Variants in LPAR4 observed in about 807,000 individuals in gnomAD.
LPAR4 encodes G-protein coupled receptor 23.
Under a neutral mutation model 9.2 loss-of-function variants are expected in LPAR4, and 14 were observed. The observed-to-expected ratio is 1.51, with a 90% CI of 1.00 to 2.37. The LOEUF (loss-of-function observed/expected upper bound fraction) is 2.37. Ranked by LOEUF, LPAR4 falls within the 30% of genes most tolerant of loss-of-function variation. The pLI, the probability that LPAR4 is intolerant of heterozygous loss-of-function variation, is 0.00. For synonymous variants in LPAR4, 131 were observed against 97.9 expected (o/e 1.34, Z -1.99); for missense variants, 251 against 272.1 (o/e 0.92, Z 0.55).
intron 4 of LPAR4, 56 bp from the exon 5 acceptor site, chrX:78,754,735 C>A: frequency 2.0e-6 from 1 of 491,173 alleles, no homozygotes; most frequent in Non-Finnish European, 3.3e-6. Context: ...TCTTATTACA[C>A]AGAAATCATG....
chrX:78,754,890 T>G lies in LPAR4; in HGVS notation c.21T>G (p.Ile7Met). 1.7e-6 allele frequency: 2 copies of G among 1,197,475 alleles called. No homozygotes were observed. MGDRRFIDFQFQDSNSS... is the reference protein window; with the variant it reads MGDRRFMDFQFQDSNSS... Reference sequence around the variant, plus strand: ...AGTCCATGGGTGACAGAAGATTCATTGACTTCCAATTCCAAGATTCAAATT... The same window carrying G: ...AGTCCATGGGTGACAGAAGATTCATGGACTTCCAATTCCAAGATTCAAATT... Residue 7 changes from isoleucine to methionine, a missense_variant, in exon 5 of 5, where the codon ATT (isoleucine) becomes ATG (methionine). Ile to Met is a conservative substitution (Grantham distance 10). Coordinates refer to ENST00000614823, the MANE Select transcript of LPAR4 (RefSeq NM_001278000.3).
rs1469233926 is a variant in LPAR4 at position 78,756,962 on chromosome X, C to G, written c.*980C>G. ...ACATTTATTAAAACCTGAATTAATC[C>G]TTTTTGGAGGGAGGAGTAGAGATAT... On this transcript the variant is annotated 3_prime_UTR_variant, in exon 5 of 5. Coordinates refer to ENST00000614823, the MANE Select transcript of LPAR4 (RefSeq NM_001278000.3). The G allele has an allele frequency of 8.3e-6, 1 of 120,361 alleles. No individual in the cohort carries two copies. Among genetic ancestry groups the G allele is most frequent in the Non-Finnish European group, 1.9e-5 (1 of 52,383 alleles). 9.9% of individuals were successfully genotyped at this position (120,361 alleles called of 1,213,427 possible).
chrX:78,754,043 A>G (rs758546406), intron 4 of LPAR4, among the ~76,000 whole-genome samples: 11 of 111,699 alleles, frequency 9.8e-5, no homozygotes, highest in Non-Finnish European at 1.9e-4. Flanking sequence ...CTGTGGGTGT[A>G]ATATATATGT....
chrX:78,755,976 C>A lies in LPAR4; in HGVS notation c.1107C>A (p.Thr369=). The change falls in exon 5 of 5, where the codon ACC becomes ACA. Residue 369 remains threonine (T), a synonymous_variant. Transcript: ENST00000614823. ...NNGGELMLES[T]F is the part of the protein sequence containing the mutation. The stretch of plus-strand genomic sequence containing the variant: ...GTGGTGAATTAATGCTAGAATCCAC[C>A]TTTTAGGTATGAGAAATGTGTTCAG... The A allele has an allele frequency of 8.3e-7, 1 of 1,197,682 alleles. No individual in the cohort carries two copies. The highest frequency in any genetic ancestry group is 1.1e-6 in the Non-Finnish European group (1 of 887,057).
intron 3 of LPAR4, 111 bp downstream of exon 3, chrX:78,750,903 T>A (rs1925036146): frequency 9.0e-6 from 1 of 111,689 alleles, no homozygotes. Flanking sequence ...TCATTATCTT[T>A]AAATTATTAT....
intron 4 of LPAR4, among the ~76,000 whole-genome samples, chrX:78,754,371 A>G (rs1925195337): frequency 9.0e-6 from 1 of 111,469 alleles, no homozygotes; most frequent in Non-Finnish European, 1.9e-5. Flanking sequence ...GCAGAAGGGA[A>G]AAGCCTTCCA....
intron 4 of LPAR4, among the ~76,000 whole-genome samples, chrX:78,754,143 G>T (rs189641993): frequency 9.0e-6 from 1 of 111,126 alleles, no homozygotes; most frequent in African/African-American, 3.3e-5. Flanking sequence ...TTAAAACATC[G>T]CCTCGTACTT....
intron 4 of LPAR4, among the ~76,000 whole-genome samples, chrX:78,751,943 G>T (rs1925080159): frequency 9.0e-6 from 1 of 110,985 alleles, no homozygotes; most frequent in African/African-American, 3.3e-5. Context: ...ATTTCCCAAA[G>T]ATTGGACTGT....
intron 4 of LPAR4, among the ~76,000 whole-genome samples, chrX:78,754,360 G>T (rs749371136): frequency 2.3e-4 from 26 of 111,059 alleles, no homozygotes; most frequent in South Asian, 7.5e-4. Context: ...AGGGACTCTG[G>T]GCAGAAGGGA....
rs988434630 is a variant in LPAR4, at chrX:78,756,259, A to C, written c.*277A>C. ...GGTGGCTAGTGGCATTTGATAATAT[A>C]GAGATGACTTTGAAACTTTCAAAAA... On this transcript the variant is annotated 3_prime_UTR_variant, in exon 5 of 5. Transcript: ENST00000614823. 1.2e-4 allele frequency: 31 copies of C among 261,382 alleles called. No individual in the cohort carries two copies. The highest frequency in any genetic ancestry group is 8.3e-4 in the African/African-American group (29 of 35,111). The allele number at this position is 261,382 out of a possible 1,213,427, so 21.5% of individuals were successfully genotyped here. A position where few individuals can be genotyped will look rare whatever the true frequency, so the allele number is the denominator to read the frequency against.
chrX:78,758,380 G>C lies in LPAR4; in HGVS notation c.*2398G>C, dbSNP rs1210597879. 9.0e-6 allele frequency among the ~76,000 whole-genome samples: 1 copy of C among 111,124 alleles called. No individual in the cohort carries two copies. Among genetic ancestry groups the C allele is most frequent in the Non-Finnish European group, 1.9e-5 (1 of 52,814 alleles). ...TATGTGAACATTTGTTTGTGCCCTT[G>C]CTTCTTAACATTATAAAATTTTATG... On this transcript the variant is annotated 3_prime_UTR_variant, in exon 5 of 5. Transcript: ENST00000614823.
In LPAR4 at chrX:78,754,990, C is replaced by G; in HGVS notation, c.121C>G (p.Leu41Val). The change falls in exon 5 of 5, where the codon CTC becomes GTC. Residue 41 changes from leucine (L) to valine (V), a missense_variant. Coordinates refer to ENST00000614823, the MANE Select transcript of LPAR4 (RefSeq NM_001278000.3). ...CIVDDSFKYN[L>V]NGAVYSVVFI... is the part of the protein sequence containing the mutation. ...TGTTGATGATTCCTTCAAGTATAAT[C>G]TCAATGGTGCTGTCTACAGTGTTGT... The G allele has an allele frequency of 8.3e-7, 1 of 1,209,743 alleles. No individual in the cohort carries two copies. The highest frequency in any genetic ancestry group is 1.1e-6 in the Non-Finnish European group (1 of 893,889).
At chrX:78,753,415 A>G (rs1925155993) in intron 4 of LPAR4, among the ~76,000 whole-genome samples, 1 of 111,491 alleles carries the variant, frequency 9.0e-6, no homozygotes, top group Admixed American at 9.5e-5. Flanking sequence ...TCATACCTGT[A>G]TGGGAAATAT....
In LPAR4 at chrX:78,751,319, C is replaced by T. The variant is rs911709312; in HGVS notation, c.-80+8C>T. 37 of 110,851 alleles carry T rather than the reference C, an allele frequency of 3.3e-4. No individual in the cohort carries two copies. The highest frequency in any genetic ancestry group is 3.1e-3 in the Admixed American group (32 of 10,380). The allele number at this position is 110,851 out of a possible 1,213,427, so 9.1% of individuals were successfully genotyped here. On this transcript the variant is annotated splice_region_variant and intron_variant, in intron 4 of 4. Transcript: ENST00000614823. Reference sequence around the variant, plus strand: ...TTGGTTCGAACTAATGTGGTGAGTCCTACCCTCCTGAAAATTACTGAAATA... The same window carrying T: ...TTGGTTCGAACTAATGTGGTGAGTCTTACCCTCCTGAAAATTACTGAAATA...
chrX:78,753,514 G>C (rs1195446951), intron 4 of LPAR4, among the ~76,000 whole-genome samples: 1 of 111,953 alleles, frequency 8.9e-6, no homozygotes, highest in African/African-American at 3.2e-5. Context: ...GAGGCACAAG[G>C]TATACATGAC....
chrX:78,751,867 G>A (rs1275788697), intron 4 of LPAR4, among the ~76,000 whole-genome samples: 2 of 111,098 alleles, frequency 1.8e-5, no homozygotes, highest in Non-Finnish European at 3.8e-5. Context: ...AAGTACTAGG[G>A]AAAATTCTAC....
intron 2 of LPAR4, 48 bp from the exon 3 acceptor site, chrX:78,750,682 C>T (rs1226176611): frequency 1.8e-5 from 2 of 109,819 alleles, no homozygotes; most frequent in African/African-American, 6.6e-5. Context: ...AGTGGAGTCT[C>T]CACCTGTTGT....
At position 78,753,739 on chromosome X, in the gene LPAR4, A is replaced by C. The variant is rs769215058; in HGVS notation, c.-79-1052A>C. On this transcript the variant is annotated intron_variant, in intron 4 of 4. Transcript: ENST00000614823. ...TGAGGCTTAGAGGTAAAGTTTATACAAGGAAGAGAGAGAGTATAGCCAAGT... is the reference window on the plus strand; with the variant it reads ...TGAGGCTTAGAGGTAAAGTTTATACCAGGAAGAGAGAGAGTATAGCCAAGT... 2.1e-4 allele frequency among the ~76,000 whole-genome samples: 23 copies of C among 112,117 alleles called. No homozygotes were observed. In the South Asian group the frequency reaches 8.5e-3, roughly 42 times the overall value.
intron 4 of LPAR4, among the ~76,000 whole-genome samples, 196 bp from the exon 5 acceptor site, chrX:78,754,595 T>C (rs1474417907): frequency 8.9e-6 from 1 of 111,767 alleles, no homozygotes; most frequent in Non-Finnish European, 1.9e-5. Context: ...ACTTATTGTA[T>C]TGAGTGTGAG....
Sources: allele counts gnomAD v4.1 joint callset (sites outside exome capture counted in the v4.1 genomes callset), GRCh38; gene constraint gnomAD v4.1.1; transcripts MANE v1.5; gene names NCBI Gene and HGNC (gene_info 2026-07-23, HGNC 2026-07-21).